The following MGAT4C variants were observed in gnomAD, a reference collection of about 807,000 sequenced individuals.
The protein encoded by MGAT4C is alpha-1,3-mannosyl-glycoprotein 4-beta-N-acetylglucosaminyltransferase C.
MGAT4C carries 19 observed loss-of-function variants against 40.1 expected under a neutral mutation model. That is an observed-to-expected ratio of 0.47 (90% CI 0.33 to 0.70). The LOEUF is 0.70. Ranked by LOEUF, MGAT4C falls within the 30% of genes least tolerant of loss-of-function variation. The pLI is 0.02. For missense variants in MGAT4C, 491 were observed against 563.2 expected (o/e 0.87, Z 1.30); for synonymous variants, 181 against 187.1 (o/e 0.97, Z 0.27).
intron 1 of MGAT4C, among the ~76,000 whole-genome samples, chr12:86,137,358 T>G (rs1882120714): frequency 6.6e-6 from 1 of 152,190 alleles, no homozygotes; most frequent in East Asian, 1.9e-4. Flanking sequence ...TGCAACAGCT[T>G]CCCATATATT....
chr12:86,501,770 G>A (rs1266351585), intron 2 of MGAT4C, among the ~76,000 whole-genome samples: 1 of 151,944 alleles, frequency 6.6e-6, no homozygotes, highest in African/African-American at 2.4e-5. Flanking sequence ...TTGATTCCAT[G>A]TCTTTGCTAT....
At chr12:86,711,161 C>T (rs1187326283) in intron 2 of MGAT4C, among the ~76,000 whole-genome samples, 5 of 151,994 alleles carry the variant, frequency 3.3e-5, no homozygotes, top group South Asian at 2.1e-4. Context: ...CCAAAACCCA[C>T]GTGTACCCCC....
chr12:86,405,327 A>T (rs1466951322), intron 3 of MGAT4C, among the ~76,000 whole-genome samples: 1 of 152,088 alleles, frequency 6.6e-6, no homozygotes, highest in Non-Finnish European at 1.5e-5. Flanking sequence ...AGTCAATTAT[A>T]TTTTTATATG....
At chr12:86,401,196 A>C (rs1315199006) in intron 3 of MGAT4C, among the ~76,000 whole-genome samples, 1 of 151,654 alleles carries the variant, frequency 6.6e-6, no homozygotes, top group Non-Finnish European at 1.5e-5. Flanking sequence ...AGTTCATATA[A>C]ACTTTCAAAG....
At chr12:86,439,809 C>A (rs1957196984) in intron 2 of MGAT4C, among the ~76,000 whole-genome samples, 1 of 151,994 alleles carries the variant, frequency 6.6e-6, no homozygotes, top group African/African-American at 2.4e-5. Context: ...ACTGACACCA[C>A]AGAAATAGAA....
chr12:86,258,284 A>AATCT (rs10534958), upstream of MGAT4C, among the ~76,000 whole-genome samples: 23,175 of 146,630 alleles, frequency 0.16, 1,820 homozygotes, highest in East Asian at 0.2. Context: ...AACAGGATAT[A>AATCT]ATCTATCTAT....
intron 1 of MGAT4C, among the ~76,000 whole-genome samples, chr12:86,769,221 A>G (rs937389395): frequency 9.9e-5 from 15 of 152,202 alleles, no homozygotes; most frequent in Admixed American, 6.5e-5. Flanking sequence ...ATGAACAGAC[A>G]CTTCTCAAAA....
chr12:86,573,645 T>G (rs756069307), intron 2 of MGAT4C, among the ~76,000 whole-genome samples: 1 of 152,042 alleles, frequency 6.6e-6, no homozygotes, highest in Non-Finnish European at 1.5e-5. Context: ...TTTACTATTC[T>G]GTAAAGAGCT....
chr12:86,692,699 A>G (rs1358038339), intron 2 of MGAT4C, among the ~76,000 whole-genome samples: 1 of 152,176 alleles, frequency 6.6e-6, no homozygotes, highest in African/African-American at 2.4e-5. Context: ...ATAGTGGTGT[A>G]AGGATTTTTA....
At chr12:86,763,656 T>C (rs924136562) in intron 1 of MGAT4C, among the ~76,000 whole-genome samples, 2 of 152,158 alleles carry the variant, frequency 1.3e-5, no homozygotes, top group Non-Finnish European at 2.9e-5. Context: ...CATTTTGTAA[T>C]CTTTGGATTA....
At chr12:86,555,451 C>T (rs1161086493) in intron 2 of MGAT4C, among the ~76,000 whole-genome samples, 1 of 152,034 alleles carries the variant, frequency 6.6e-6, no homozygotes, top group Non-Finnish European at 1.5e-5. Context: ...GGAACATGTC[C>T]GGGGTCCAGG....
In MGAT4C at chr12:85,961,498, T is replaced by C. The variant is rs1883111022; in HGVS notation, c.*17791A>G. On this transcript the variant is annotated 3_prime_UTR_variant, in exon 5 of 5. Coordinates refer to ENST00000611864, the MANE Select transcript of MGAT4C (RefSeq NM_001351288.2). ...TATATATATAAAATTATATATGGTA[T>C]AGTTTCAACTTCTAATCTTTTATCA... 1 of 151,752 alleles carries C rather than the reference T, an allele frequency of 6.6e-6. No homozygotes were observed. 9.4% of individuals were successfully genotyped at this position (151,752 alleles called of 1,614,324 possible).
At chr12:86,361,516 C>A (rs1955469284) in intron 3 of MGAT4C, among the ~76,000 whole-genome samples, 2 of 152,154 alleles carry the variant, frequency 1.3e-5, no homozygotes, top group African/African-American at 4.8e-5. Flanking sequence ...AGCTTCTGCA[C>A]AGCAAAAGAA....
chr12:86,627,557 T>C (rs147737717), intron 2 of MGAT4C, among the ~76,000 whole-genome samples: 4,733 of 152,250 alleles, frequency 0.031, 121 homozygotes, highest in African/African-American at 0.074. Context: ...TGTTCTGCAA[T>C]ATTTGCTGTT....
At chr12:86,509,755 TCTC>T (rs1958539709) in intron 2 of MGAT4C, among the ~76,000 whole-genome samples, 1 of 152,146 alleles carries the variant, frequency 6.6e-6, no homozygotes. Context: ...GGTTTGTAGT[TCTC>T]CTTGAAGAGG....
chr12:86,193,437 G>C (rs1889744943), intron 1 of MGAT4C, among the ~76,000 whole-genome samples: 1 of 151,656 alleles, frequency 6.6e-6, no homozygotes, highest in African/African-American at 2.4e-5. Flanking sequence ...ATATTGTCAT[G>C]CATTTTAATT....
chr12:86,148,852 T>C (rs753793667), intron 1 of MGAT4C, among the ~76,000 whole-genome samples: 1 of 152,218 alleles, frequency 6.6e-6, no homozygotes, highest in Non-Finnish European at 1.5e-5. Context: ...TGAGATAAGC[T>C]TGTAGCCTGA....
chr12:86,656,803 C>A (rs1487923394), intron 2 of MGAT4C, among the ~76,000 whole-genome samples: 2 of 151,894 alleles, frequency 1.3e-5, no homozygotes, highest in African/African-American at 4.8e-5. Context: ...AATCTGATAC[C>A]TGAGAATTTA....
At chr12:86,773,139 A>G (rs1017839525) in intron 1 of MGAT4C, among the ~76,000 whole-genome samples, 9 of 152,172 alleles carry the variant, frequency 5.9e-5, no homozygotes, top group African/African-American at 1.9e-4. Flanking sequence ...TTTGATGGTC[A>G]CTTTACAGAT....
Sources: allele counts gnomAD v4.1 joint callset (sites outside exome capture counted in the v4.1 genomes callset), GRCh38; gene constraint gnomAD v4.1.1; transcripts MANE v1.5; gene names NCBI Gene and HGNC (gene_info 2026-07-23, HGNC 2026-07-21).